SYTL5: variants seen among roughly 807,000 people sequenced by gnomAD.
SYTL5 encodes synaptotagmin-like protein 5.
In SYTL5, 34 loss-of-function variants were observed where a neutral mutation model predicts 55.9. The ratio of observed to expected loss-of-function variants is 0.61; its 90% CI spans 0.46 to 0.81. The LOEUF (loss-of-function observed/expected upper bound fraction) is 0.81, where lower values mean the gene tolerates loss of function less well. Ranked by LOEUF, SYTL5 falls within the 30% of genes least tolerant of loss-of-function variation. The pLI, the probability that SYTL5 is intolerant of heterozygous loss-of-function variation, is 0.00. For missense variants in SYTL5, 637 were observed against 546.7 expected (o/e 1.17, Z -1.65); for synonymous variants, 221 against 188.7 (o/e 1.17, Z -1.40).
At chrX:37,995,180 G>A in the SYTL5 span, among the ~76,000 whole-genome samples, 1 of 110,580 alleles carries the variant, frequency 9.0e-6, no homozygotes, top group African/African-American at 3.3e-5. Context: ...GGGGTCCTCC[G>A]AGGCTTGTTG....
intron 3 of SYTL5, among the ~76,000 whole-genome samples, chrX:38,059,594 G>C (rs999153397): frequency 1.8e-5 from 2 of 111,860 alleles, no homozygotes; most frequent in African/African-American, 6.5e-5. Context: ...TATTAGATAA[G>C]AGAGGCAATT....
intron 1 of SYTL5, among the ~76,000 whole-genome samples, chrX:38,022,964 A>G (rs1319175780): frequency 8.9e-6 from 1 of 111,926 alleles, no homozygotes; most frequent in Non-Finnish European, 1.9e-5. Flanking sequence ...TAGAGGATAG[A>G]TACGAGAGAG....
the SYTL5 span, among the ~76,000 whole-genome samples, chrX:37,919,993 G>C: frequency 4.5e-5 from 5 of 111,281 alleles, no homozygotes; most frequent in East Asian, 8.5e-4. Flanking sequence ...AAAATCCACT[G>C]GAATATATAT....
intron 2 of SYTL5, among the ~76,000 whole-genome samples, chrX:38,035,548 G>A (rs1221259428): frequency 2.7e-4 from 28 of 103,141 alleles, no homozygotes; most frequent in Non-Finnish European, 4.7e-4. Context: ...CCGAGATTGC[G>A]CCACTGCACT....
intron 6 of SYTL5, 85 bp downstream of exon 6, chrX:38,076,786 T>C (rs1936400682): frequency 1.0e-6 from 1 of 989,781 alleles, no homozygotes; most frequent in Non-Finnish European, 1.4e-6. Flanking sequence ...TAGGTATCTG[T>C]GAAATATTAC....
chrX:38,039,563 C>T (rs1393133537), intron 2 of SYTL5, among the ~76,000 whole-genome samples: 5 of 112,112 alleles, frequency 4.5e-5, no homozygotes, highest in Non-Finnish European at 7.5e-5. Context: ...AAAACAAATA[C>T]TGTTAAATAT....
intron 9 of SYTL5, among the ~76,000 whole-genome samples, chrX:38,097,133 T>C (rs1936956457): frequency 9.0e-6 from 1 of 111,394 alleles, no homozygotes; most frequent in Admixed American, 9.6e-5. Flanking sequence ...TTTACGAATA[T>C]ACATGCAAAA....
chrX:38,037,646 T>C (rs1190535013), intron 2 of SYTL5, among the ~76,000 whole-genome samples: 1 of 111,563 alleles, frequency 9.0e-6, no homozygotes, highest in Non-Finnish European at 1.9e-5. Context: ...TCAGATAATA[T>C]AACTTTCTGT....
the SYTL5 span, among the ~76,000 whole-genome samples, chrX:37,912,419 G>T: frequency 1.8e-5 from 2 of 111,501 alleles, no homozygotes; most frequent in Non-Finnish European, 3.8e-5. Flanking sequence ...TTGCCTTCAG[G>T]GTGAGAATAA....
At chrX:37,936,846 A>T in the SYTL5 span, among the ~76,000 whole-genome samples, 1 of 108,937 alleles carries the variant, frequency 9.2e-6, no homozygotes. Flanking sequence ...GTTCGAGACC[A>T]GCCTGGCCAA....
chrX:37,960,553 A>G, the SYTL5 span, among the ~76,000 whole-genome samples: 4 of 110,796 alleles, frequency 3.6e-5, no homozygotes, highest in African/African-American at 1.3e-4. Flanking sequence ...CCTTTTCTCC[A>G]GTTTCTTTAG....
At chrX:38,020,244 G>A (rs1223493253) in intron 1 of SYTL5, among the ~76,000 whole-genome samples, 5 of 108,631 alleles carry the variant, frequency 4.6e-5, no homozygotes, top group East Asian at 5.7e-4. Context: ...GCCATTTGCT[G>A]TATTTTTTTA....
chrX:37,990,813 T>C, the SYTL5 span: 2 of 1,170,960 alleles, frequency 1.7e-6, no homozygotes, highest in South Asian at 3.8e-5. Context: ...CAAGCAGAGC[T>C]GATGAGAGCC....
At chrX:37,978,985 T>C in the SYTL5 span, among the ~76,000 whole-genome samples, 560 of 111,814 alleles carry the variant, frequency 5.0e-3, 14 homozygotes, top group Admixed American at 0.051. Flanking sequence ...TAATATTTAA[T>C]TTAATCTATT....
At chrX:37,991,298 A>G in the SYTL5 span, 1 of 1,093,783 alleles carries the variant, frequency 9.1e-7, no homozygotes, top group Non-Finnish European at 1.2e-6. Context: ...GTGCTATTAA[A>G]GGATGTAAAT....
rs149394135 is a variant in SYTL5, at chrX:38,015,444, G to T, written c.-357+8776G>T. On this transcript the variant is annotated intron_variant, in intron 1 of 16. Coordinates refer to ENST00000297875, the MANE Select transcript of SYTL5 (RefSeq NM_138780.3). ...TTATTATCTCCACCCTGTATGAAAA[G>T]AAACCAAGGTTCAGAGAGGTTAAGT... Among the ~76,000 whole-genome samples the T allele has an allele frequency of 9.3e-3, 1,043 of 111,676 alleles. 7 individuals are homozygous for T. The highest frequency in any genetic ancestry group is 0.037 in the Middle Eastern group (8 of 217).
chrX:37,895,449 C>T, the SYTL5 span, among the ~76,000 whole-genome samples: 13 of 92,335 alleles, frequency 1.4e-4, no homozygotes, highest in South Asian at 5.2e-4. Context: ...TCCTTCCTTC[C>T]TTCCTTCCCT....
the SYTL5 span, among the ~76,000 whole-genome samples, chrX:37,892,784 T>C: frequency 1.0e-5 from 1 of 96,400 alleles, no homozygotes; most frequent in Non-Finnish European, 2.0e-5. Flanking sequence ...ACATATATTG[T>C]GTATATACAT....
At chrX:37,902,556 A>T in the SYTL5 span, among the ~76,000 whole-genome samples, 1 of 112,346 alleles carries the variant, frequency 8.9e-6, no homozygotes, top group Non-Finnish European at 1.9e-5. Context: ...TCAGCCGAGT[A>T]TGTCATTTTA....
Sources: gnomAD v4.1 joint callset for allele counts (sites outside exome capture counted in the v4.1 genomes callset) on GRCh38, gnomAD v4.1.1 for gene constraint, MANE v1.5 for transcripts, NCBI Gene and HGNC (gene_info 2026-07-23, HGNC 2026-07-21) for gene names.